TTLL7: variants seen among roughly 807,000 people sequenced by gnomAD.
The protein encoded by TTLL7 is tubulin polyglutamylase TTLL7.
In TTLL7, 53 loss-of-function variants were observed where a neutral mutation model predicts 120.2. That is an observed-to-expected ratio of 0.44 (90% CI 0.35 to 0.55). The LOEUF is 0.55. Among genes scored for constraint, TTLL7 ranks in the 20% least tolerant of loss-of-function variants. The pLI, the probability that TTLL7 is intolerant of heterozygous loss-of-function variation, is 0.00. For synonymous variants in TTLL7, 353 were observed against 351.7 expected (o/e 1.00, Z -0.04); for missense variants, 803 against 1,054.7 (o/e 0.76, Z 3.31).
chr1:83,874,030 C>T (rs1405486776), intron 20 of TTLL7, among the ~76,000 whole-genome samples: 13 of 152,006 alleles, frequency 8.6e-5, no homozygotes, highest in Non-Finnish European at 1.9e-4. Flanking sequence ...TTGTACAATT[C>T]AGTGCATTAA....
At chr1:83,997,919 T>C (rs968037950) in intron 1 of TTLL7, among the ~76,000 whole-genome samples, 9 of 152,236 alleles carry the variant, frequency 5.9e-5, no homozygotes, top group African/African-American at 2.2e-4. Context: ...TTTTTTGCCA[T>C]AAGCTTTCTA....
At chr1:83,990,945 CA>C in intron 1 of TTLL7, among the ~76,000 whole-genome samples, 1 of 152,328 alleles carries the variant, frequency 6.6e-6, no homozygotes, top group Admixed American at 6.5e-5. Context: ...GGAAGCAACA[CA>C]ACTGTCCATG....
At chr1:83,959,323 A>G (rs1489487650) in intron 1 of TTLL7, among the ~76,000 whole-genome samples, 5 of 152,180 alleles carry the variant, frequency 3.3e-5, no homozygotes, top group Admixed American at 3.3e-4. Flanking sequence ...AGATCCAGGA[A>G]AGTGGGAGAA....
At chr1:83,902,723 A>G (rs574596897) in intron 18 of TTLL7, among the ~76,000 whole-genome samples, 2 of 152,024 alleles carry the variant, frequency 1.3e-5, no homozygotes, top group African/African-American at 4.8e-5. Context: ...CACCTTAAAT[A>G]TCTTAGAGAC....
At position 83,892,928 on chromosome 1, in the gene TTLL7, G is replaced by GAGAAAGAAAGAAAGAAAAGAA. The variant is rs1553129436; in HGVS notation, c.2209-2448_2209-2447insTTCTTTTCTTTCTTTCTTTCT. On this transcript the variant is annotated intron_variant, in intron 18 of 20. Coordinates refer to ENST00000260505, the MANE Select transcript of TTLL7 (RefSeq NM_024686.6). The stretch of plus-strand genomic sequence containing the variant: ...AGGAAAAAGAAAAAAGAAAGAAAAA[G>GAGAAAGAAAGAAAGAAAAGAA]AGAAAGAAAGAAAGAAAGAAAGAAA... Among the ~76,000 whole-genome samples, 156 of 102,712 alleles carry GAGAAAGAAAGAAAGAAAAGAA rather than the reference G, an allele frequency of 1.5e-3. 5 individuals are homozygous for GAGAAAGAAAGAAAGAAAAGAA. Among genetic ancestry groups the GAGAAAGAAAGAAAGAAAAGAA allele is most frequent in the African/African-American group, 8.6e-3 (151 of 17,656 alleles). 67.4% of individuals were successfully genotyped at this position (102,712 alleles called of 152,430 possible).
At chr1:83,949,037 T>C (rs1648776810) in intron 4 of TTLL7, 1 of 172,746 alleles carries the variant, frequency 5.8e-6, no homozygotes, top group African/African-American at 2.4e-5. Flanking sequence ...CAAAAATGAC[T>C]TATTTGTTCA....
chr1:83,931,511 A>G (rs954161774), intron 9 of TTLL7, among the ~76,000 whole-genome samples: 9 of 152,086 alleles, frequency 5.9e-5, no homozygotes, highest in African/African-American at 2.2e-4. Context: ...AGAGATATTA[A>G]TCATGCTATT....
chr1:83,952,833 A>G (rs1371228999), intron 1 of TTLL7, among the ~76,000 whole-genome samples: 1 of 152,192 alleles, frequency 6.6e-6, no homozygotes. Flanking sequence ...TACAACACAG[A>G]GATTAAAATG....
At chr1:83,996,728 AT>A (rs1194092543) in intron 1 of TTLL7, among the ~76,000 whole-genome samples, 3 of 152,226 alleles carry the variant, frequency 2.0e-5, no homozygotes, top group Non-Finnish European at 4.4e-5. Flanking sequence ...GACTGTAGTC[AT>A]TGGACAGAGG....
At chr1:83,944,923 G>C (rs1648337784) in intron 6 of TTLL7, among the ~76,000 whole-genome samples, 1 of 152,166 alleles carries the variant, frequency 6.6e-6, no homozygotes, top group Non-Finnish European at 1.5e-5. Flanking sequence ...AAACTAAGTT[G>C]GTAGTAATAT....
At chr1:83,967,556 G>A (rs918972556) in intron 1 of TTLL7, among the ~76,000 whole-genome samples, 1 of 152,054 alleles carries the variant, frequency 6.6e-6, no homozygotes, top group African/African-American at 2.4e-5. Flanking sequence ...ACTCAGGAAT[G>A]AGCTAATTCC....
chr1:83,947,934 A>G (rs1444169483), intron 5 of TTLL7, among the ~76,000 whole-genome samples: 1 of 152,172 alleles, frequency 6.6e-6, no homozygotes, highest in Non-Finnish European at 1.5e-5. Flanking sequence ...AAAAAACCCT[A>G]GTCAACAGGA....
intron 1 of TTLL7, among the ~76,000 whole-genome samples, chr1:83,969,248 T>C (rs1453153881): frequency 6.6e-6 from 1 of 151,910 alleles, no homozygotes; most frequent in Non-Finnish European, 1.5e-5. Context: ...TAGACTAGAA[T>C]AGGCTACTCA....
Position 83,906,444 on chromosome 1 carries a change from A to G in TTLL7, c.2012T>C (p.Leu671Pro). The change falls in exon 17 of 21, where the codon CTG (leucine) becomes CCG (proline). Residue 671 changes from leucine to proline, a missense_variant. Physicochemically the swap from Leu to Pro is moderately conservative, Grantham distance 98. Around this residue, in one of 3 missense-constraint regions of TTLL7, gnomAD observed 388 missense variants for 450.4 expected, o/e 0.86. Coordinates refer to ENST00000260505, the MANE Select transcript of TTLL7 (RefSeq NM_024686.6). ...ATCATCTTCTTGTTCTTTTGTTTTC[A>G]GTTGCCGCAAAGACTCACTCTTAAA... ...NSQVSESLRQ[L>P]KTKEQEDDLT... is the part of the protein sequence containing the mutation. 1 of 1,611,990 alleles carries G rather than the reference A, an allele frequency of 6.2e-7. No individual in the cohort carries two copies. The highest frequency in any genetic ancestry group is 8.5e-7 in the Non-Finnish European group (1 of 1,178,826).
intron 9 of TTLL7, among the ~76,000 whole-genome samples, chr1:83,930,921 C>T (rs1179568470): frequency 6.6e-6 from 1 of 151,772 alleles, no homozygotes; most frequent in Non-Finnish European, 1.5e-5. Flanking sequence ...AAGAGGTATA[C>T]CCACACAAGA....
intron 1 of TTLL7, among the ~76,000 whole-genome samples, chr1:83,991,843 TA>T (rs1219029881): frequency 6.6e-6 from 1 of 152,138 alleles, no homozygotes; most frequent in Non-Finnish European, 1.5e-5. Flanking sequence ...TGTATTTGCT[TA>T]ATTTTATTCC....
intron 1 of TTLL7, chr1:83,983,856 C>A (rs1165015871): frequency 1.3e-5 from 2 of 151,916 alleles, no homozygotes; most frequent in African/African-American, 4.8e-5. Flanking sequence ...TTTGGAAGGC[C>A]GACGCAGGAA....
At chr1:83,933,504 TG>T in intron 9 of TTLL7, 103 bp downstream of exon 9, 1 of 1,221,308 alleles carries the variant, frequency 8.2e-7, no homozygotes, top group South Asian at 1.5e-5. Flanking sequence ...GCCTTCATTC[TG>T]GACAGTTAAT....
intron 13 of TTLL7, among the ~76,000 whole-genome samples, chr1:83,918,414 G>GT (rs1175791011): frequency 2.6e-5 from 4 of 152,096 alleles, no homozygotes; most frequent in Non-Finnish European, 5.9e-5. Context: ...ATAATCAACT[G>GT]TATCATTTAG....
Sources: allele counts gnomAD v4.1 joint callset (sites outside exome capture counted in the v4.1 genomes callset), GRCh38; gene constraint gnomAD v4.1.1; regional missense constraint gnomAD v4.1.1; transcripts MANE v1.5; gene names NCBI Gene and HGNC (gene_info 2026-07-23, HGNC 2026-07-21).